LHFPL7: variants seen among roughly 807,000 people sequenced by gnomAD.
LHFPL7 encodes the protein LHFPL tetraspan subfamily member 7, also known as LHFPL tetraspan subfamily member 7 protein.
the LHFPL7 span, among the ~76,000 whole-genome samples, chr22:24,941,656 T>TTTTG: frequency 4.6e-5 from 7 of 151,928 alleles, no homozygotes; most frequent in African/African-American, 1.5e-4. Flanking sequence ...ATTCAAATTT[T>TTTTG]TTTGTTTGTT....
At chr22:24,943,094 T>TTGG in the LHFPL7 span, among the ~76,000 whole-genome samples, 3 of 151,856 alleles carry the variant, frequency 2.0e-5, no homozygotes, top group Non-Finnish European at 4.4e-5. Flanking sequence ...TGGGGTTTTT[T>TTGG]TGGTGGTGGT....
the LHFPL7 span, among the ~76,000 whole-genome samples, chr22:24,940,647 TTCCTTCCTTCCTTCCTTCCTTCCTTCCC>T: frequency 9.3e-6 from 1 of 107,310 alleles, no homozygotes; most frequent in Admixed American, 9.7e-5. Context: ...CCTTCCTTCC[TTCCTTCCTTCCTTCCTTCCTTCCTTCCC>T]TCCTTCCTTC....
chr22:24,935,477 A>G, the LHFPL7 span: 2 of 1,613,952 alleles, frequency 1.2e-6, no homozygotes, highest in Admixed American at 3.3e-5. Context: ...CAGTCATGTA[A>G]CCCCAACCCA....
the LHFPL7 span, among the ~76,000 whole-genome samples, chr22:24,939,922 C>A: frequency 6.5e-3 from 581 of 89,496 alleles, 1 homozygote; most frequent in Middle Eastern, 0.015. Context: ...ATTCATTTAT[C>A]GCTTTTTTTT....
At chr22:24,942,271 G>C in the LHFPL7 span, among the ~76,000 whole-genome samples, 4,914 of 152,312 alleles carry the variant, frequency 0.032, 262 homozygotes, top group African/African-American at 0.11. Flanking sequence ...TGGGATTACA[G>C]GTGTGAGCCA....
the LHFPL7 span, among the ~76,000 whole-genome samples, chr22:24,943,362 C>T: frequency 3.3e-5 from 5 of 152,140 alleles, no homozygotes; most frequent in African/African-American, 4.8e-5. Flanking sequence ...CATTATAACC[C>T]GAAACCACAT....
chr22:24,939,924 C>CTTTTTTTT, the LHFPL7 span, among the ~76,000 whole-genome samples: 15 of 86,988 alleles, frequency 1.7e-4, no homozygotes, highest in East Asian at 8.9e-4. Context: ...TCATTTATCG[C>CTTTTTTTT]TTTTTTTTTT....
chr22:24,940,687 C>CCTTCCT, the LHFPL7 span, among the ~76,000 whole-genome samples: 4 of 16,830 alleles, frequency 2.4e-4, no homozygotes, highest in African/African-American at 3.6e-4. Flanking sequence ...CCTTCCTTCT[C>CCTTCCT]TCTCCCTCCC....
the LHFPL7 span, among the ~76,000 whole-genome samples, chr22:24,946,007 T>C: frequency 7.2e-5 from 11 of 152,136 alleles, no homozygotes; most frequent in African/African-American, 7.2e-5. Context: ...TTTGAAGATA[T>C]GATTTAAAAC....
chr22:24,945,060 G>A, the LHFPL7 span, among the ~76,000 whole-genome samples: 1 of 152,078 alleles, frequency 6.6e-6, no homozygotes, highest in South Asian at 2.1e-4. Context: ...TGCCCGCCTT[G>A]GCCTCCCAAA....
At chr22:24,935,261 G>A in the LHFPL7 span, 4 of 1,538,574 alleles carry the variant, frequency 2.6e-6, no homozygotes, top group East Asian at 6.8e-5. Flanking sequence ...GCAGAGATGG[G>A]ATTTGAAGTT....
chr22:24,938,515 A>G, the LHFPL7 span, among the ~76,000 whole-genome samples: 2 of 152,258 alleles, frequency 1.3e-5, no homozygotes, highest in Admixed American at 1.3e-4. Context: ...CCAAGAAAAT[A>G]AATTTTCCAA....
At chr22:24,945,011 C>T in the LHFPL7 span, among the ~76,000 whole-genome samples, 2 of 151,920 alleles carry the variant, frequency 1.3e-5, no homozygotes, top group South Asian at 2.1e-4. Context: ...GATTTCACCA[C>T]GTTGGCTAGG....
At chr22:24,937,316 G>T in the LHFPL7 span, among the ~76,000 whole-genome samples, 14 of 152,292 alleles carry the variant, frequency 9.2e-5, no homozygotes, top group Non-Finnish European at 1.5e-4. Flanking sequence ...GTCCAGCAGA[G>T]GGAGCAAGCA....
At chr22:24,944,950 C>G in the LHFPL7 span, among the ~76,000 whole-genome samples, 1 of 152,052 alleles carries the variant, frequency 6.6e-6, no homozygotes, top group Non-Finnish European at 1.5e-5. Flanking sequence ...GCTGGGACTA[C>G]AGATGCGCAC....
chr22:24,945,592 G>A, the LHFPL7 span, among the ~76,000 whole-genome samples: 2 of 152,236 alleles, frequency 1.3e-5, no homozygotes, highest in Non-Finnish European at 2.9e-5. Flanking sequence ...AGGGCAGCCG[G>A]AGGTGTCTGA....
chr22:24,943,261 A>C, the LHFPL7 span, among the ~76,000 whole-genome samples: 3 of 152,192 alleles, frequency 2.0e-5, no homozygotes, highest in Middle Eastern at 3.4e-3. Context: ...GGCGTTTCTC[A>C]CCTTGAAAGG....
chr22:24,945,757 G>C, the LHFPL7 span, among the ~76,000 whole-genome samples: 1 of 152,230 alleles, frequency 6.6e-6, no homozygotes, highest in Admixed American at 6.5e-5. Flanking sequence ...GTCCAGCCTG[G>C]GGGGTGCAGG....
At chr22:24,941,700 C>T in the LHFPL7 span, among the ~76,000 whole-genome samples, 3 of 145,872 alleles carry the variant, frequency 2.1e-5, no homozygotes, top group East Asian at 6.1e-4. Flanking sequence ...GAGACGGAGT[C>T]TTGCTCTGTC....
Sources: gnomAD v4.1 joint callset for allele counts (sites outside exome capture counted in the v4.1 genomes callset) on GRCh38, gnomAD v4.1.1 for gene constraint, MANE v1.5 for transcripts, NCBI Gene and HGNC (gene_info 2026-07-23, HGNC 2026-07-21) for gene names.